The following B3GALT1 variants were observed in gnomAD, a reference collection of about 807,000 sequenced individuals.
The protein encoded by B3GALT1 is beta-1,3-galactosyltransferase 1.
In B3GALT1, 10 loss-of-function variants were observed where a neutral mutation model predicts 23.2. The observed-to-expected ratio is 0.43, with a 90% confidence interval of 0.27 to 0.73. The LOEUF (loss-of-function observed/expected upper bound fraction) is 0.73, where lower values mean the gene tolerates loss of function less well. Ranked by LOEUF, B3GALT1 falls within the 30% of genes least tolerant of loss-of-function variation. The probability of loss-of-function intolerance (pLI) is 0.21; values close to 1 mark genes in which losing one functional copy is unlikely to be tolerated. For missense variants in B3GALT1, 299 were observed against 405.4 expected, an observed-to-expected ratio of 0.74 and a Z score of 2.25; for synonymous variants, 156 against 141.5, an observed-to-expected ratio of 1.10 and a Z score of -0.73.
intron 3 of B3GALT1, among the ~76,000 whole-genome samples, chr2:167,736,952 GAATT>G (rs1459952739): frequency 9.1e-5 from 6 of 65,828 alleles, no homozygotes; most frequent in African/African-American, 2.7e-4. Context: ...CCCAAAAAAA[GAATT>G]AAACCAATGA....
intron 1 of B3GALT1, among the ~76,000 whole-genome samples, chr2:167,435,174 A>T (rs1040346106): frequency 1.3e-5 from 2 of 151,996 alleles, no homozygotes; most frequent in Non-Finnish European, 2.9e-5. Flanking sequence ...AGAAAGATAC[A>T]TACATTTTTT....
At chr2:167,676,255 T>A (rs112807783) in intron 3 of B3GALT1, among the ~76,000 whole-genome samples, 3,995 of 152,210 alleles carry the variant, frequency 0.026, 182 homozygotes, top group African/African-American at 0.091. Flanking sequence ...CATAAATAAC[T>A]TTTTTATCCC....
chr2:167,446,191 C>T (rs1159188235), intron 1 of B3GALT1, among the ~76,000 whole-genome samples: 2 of 152,126 alleles, frequency 1.3e-5, no homozygotes, highest in Admixed American at 6.5e-5. Context: ...GAATATTGGC[C>T]CCCACTTTCT....
rs78155407 is a variant in B3GALT1, at chr2:167,789,239, G to A, written c.-351-29433G>A. On this transcript the variant is annotated intron_variant, in intron 3 of 4. Coordinates refer to ENST00000392690, the MANE Select transcript of B3GALT1 (RefSeq NM_020981.4). ...ATCACCATGTCTTTGTGGCTTTGTCGTATAGCCCTTTTCTCCTGATGACAG... is the reference window on the plus strand; with the variant it reads ...ATCACCATGTCTTTGTGGCTTTGTCATATAGCCCTTTTCTCCTGATGACAG... Among the ~76,000 whole-genome samples, 1,126 of 152,204 alleles carry A rather than the reference G, an allele frequency of 7.4e-3. 13 individuals are homozygous for A. The highest frequency in any genetic ancestry group is 0.017 in the African/African-American group (722 of 41,530).
chr2:167,746,475 A>C (rs943678897), intron 3 of B3GALT1, among the ~76,000 whole-genome samples: 3 of 152,184 alleles, frequency 2.0e-5, no homozygotes, highest in African/African-American at 7.2e-5. Context: ...GATCAGCATC[A>C]TGTTGTGTGA....
intron 1 of B3GALT1, among the ~76,000 whole-genome samples, chr2:167,324,199 C>T (rs1324729923): frequency 6.6e-6 from 1 of 152,050 alleles, no homozygotes; most frequent in African/African-American, 2.4e-5. Context: ...AGCATAGGTT[C>T]TGAAATTCCT....
At chr2:167,438,905 T>G (rs1318701932) in intron 1 of B3GALT1, among the ~76,000 whole-genome samples, 4 of 152,032 alleles carry the variant, frequency 2.6e-5, no homozygotes, top group Non-Finnish European at 4.4e-5. Flanking sequence ...AGTGACTATT[T>G]CCCCCTCTCC....
chr2:167,650,240 C>T (rs565738910), intron 3 of B3GALT1, among the ~76,000 whole-genome samples: 1 of 149,240 alleles, frequency 6.7e-6, no homozygotes, highest in African/African-American at 2.4e-5. Flanking sequence ...ATTGTTGAAC[C>T]ACCCTTGCAT....
chr2:167,431,009 T>C (rs1462006047), intron 1 of B3GALT1, among the ~76,000 whole-genome samples: 1 of 152,214 alleles, frequency 6.6e-6, no homozygotes, highest in Non-Finnish European at 1.5e-5. Context: ...AACTGCAATT[T>C]TTATATTTGG....
chr2:167,568,630 A>G (rs899203522), intron 2 of B3GALT1, among the ~76,000 whole-genome samples: 8 of 151,972 alleles, frequency 5.3e-5, no homozygotes, highest in African/African-American at 7.2e-5. Flanking sequence ...AGATAACAAT[A>G]TTTTATCAGA....
At chr2:167,761,341 A>T (rs1687896463) in intron 3 of B3GALT1, among the ~76,000 whole-genome samples, 2 of 152,176 alleles carry the variant, frequency 1.3e-5, no homozygotes, top group African/African-American at 4.8e-5. Context: ...GAAATGTCAT[A>T]CGTGAAAAAG....
intron 1 of B3GALT1, among the ~76,000 whole-genome samples, chr2:167,488,533 G>A (rs1260912624): frequency 6.6e-6 from 1 of 152,184 alleles, no homozygotes; most frequent in Non-Finnish European, 1.5e-5. Flanking sequence ...CTTAAAGACT[G>A]TCACTCAAAA....
chr2:167,434,061 A>G (rs1411254017), intron 1 of B3GALT1, among the ~76,000 whole-genome samples: 1 of 152,208 alleles, frequency 6.6e-6, no homozygotes, highest in Non-Finnish European at 1.5e-5. Flanking sequence ...CAACCATGTA[A>G]TGGAAGGAAA....
chr2:167,674,895 T>C (rs1686395443), intron 3 of B3GALT1, among the ~76,000 whole-genome samples: 1 of 152,220 alleles, frequency 6.6e-6, no homozygotes, highest in African/African-American at 2.4e-5. Context: ...AAATATTTTT[T>C]CTTCAATACA....
intron 3 of B3GALT1, among the ~76,000 whole-genome samples, chr2:167,794,625 A>C (rs1688511206): frequency 6.6e-6 from 1 of 152,222 alleles, no homozygotes; most frequent in Admixed American, 6.5e-5. Flanking sequence ...ATTTATACAT[A>C]AGGCATTAGT....
chr2:167,870,420 T>C lies in B3GALT1; in HGVS notation c.*400T>C, dbSNP rs1690319257. 1 of 179,934 alleles carries C rather than the reference T, an allele frequency of 5.6e-6. No individual in the cohort carries two copies. The highest frequency in any genetic ancestry group is 1.3e-5 in the Non-Finnish European group (1 of 75,578). The allele number at this position is 179,934 out of a possible 1,614,324, so 11.1% of individuals were successfully genotyped here. A position where few individuals can be genotyped will look rare whatever the true frequency, so the allele number is the denominator to read the frequency against. ...ATTTTCAAAAGCAATTCAGAAAGGA[T>C]GCACAGTCAGGAAGACACACTGGAT... is the stretch of plus-strand genomic sequence containing the variant. On this transcript the variant is annotated 3_prime_UTR_variant, in exon 5 of 5. Coordinates refer to ENST00000392690, the MANE Select transcript of B3GALT1 (RefSeq NM_020981.4).
At chr2:167,621,791 C>T (rs1685264868) in intron 2 of B3GALT1, among the ~76,000 whole-genome samples, 1 of 152,046 alleles carries the variant, frequency 6.6e-6, no homozygotes, top group Non-Finnish European at 1.5e-5. Flanking sequence ...TTGCTTGGCA[C>T]TTCTAACTGC....
chr2:167,631,769 C>CTTTCTTTTTTTTTTTTTTTTTTTTT (rs1558930674), intron 2 of B3GALT1, among the ~76,000 whole-genome samples: 1 of 120,596 alleles, frequency 8.3e-6, no homozygotes, highest in Non-Finnish European at 1.7e-5. Flanking sequence ...CTTTTCTTTT[C>CTTTCTTTTTTTTTTTTTTTTTTTTT]TTTTTTTTTT....
At chr2:167,348,324 G>T (rs1277135216) in intron 1 of B3GALT1, among the ~76,000 whole-genome samples, 1 of 152,078 alleles carries the variant, frequency 6.6e-6, no homozygotes, top group Non-Finnish European at 1.5e-5. Flanking sequence ...TAAATTGTGT[G>T]AAACATGAAG....
Sources: gnomAD v4.1 joint callset for allele counts (sites outside exome capture counted in the v4.1 genomes callset) on GRCh38, gnomAD v4.1.1 for gene constraint, MANE v1.5 for transcripts, NCBI Gene and HGNC (gene_info 2026-07-23, HGNC 2026-07-21) for gene names.